Variants in GHRL observed in about 807,000 individuals in gnomAD.
The protein encoded by GHRL is ghrelin and obestatin prepropeptide.
In GHRL, 24 loss-of-function variants were observed where a neutral mutation model predicts 16.9. That is an observed-to-expected ratio of 1.42 (90% CI 1.03 to 2.00). The LOEUF (loss-of-function observed/expected upper bound fraction) is 2.00. Among genes scored for constraint, GHRL ranks in the 30% most tolerant of loss-of-function variants. The probability of loss-of-function intolerance (pLI) is 0.00; values close to 1 mark genes in which losing one functional copy is unlikely to be tolerated. For synonymous variants in GHRL, 63 were observed against 58.2 expected (o/e 1.08, Z -0.37); for missense variants, 193 against 142.1 (o/e 1.36, Z -1.82).
intron 4 of GHRL, among the ~76,000 whole-genome samples, chr3:10,288,771 TGGAA>T (rs1699476550): frequency 6.6e-6 from 1 of 152,188 alleles, no homozygotes; most frequent in Non-Finnish European, 1.5e-5. Context: ...TTCACTCCTC[TGGAA>T]GGAAGAGGCC....
intron 4 of GHRL, 87 bp downstream of exon 4, chr3:10,289,675 G>A: frequency 1.2e-6 from 1 of 852,812 alleles, no homozygotes; most frequent in Non-Finnish European, 2.0e-6. Context: ...TTGGGACCCT[G>A]TTCACTGCCA....
intron 4 of GHRL, among the ~76,000 whole-genome samples, chr3:10,288,862 C>T (rs1467468542): frequency 6.6e-6 from 1 of 152,216 alleles, no homozygotes; most frequent in Non-Finnish European, 1.5e-5. Flanking sequence ...GGAGTCAGCC[C>T]TGACCTTGTG....
chr3:10,290,042 C>T (rs1481116793), intron 3 of GHRL, 31 bp downstream of exon 3: 1 of 1,608,680 alleles, frequency 6.2e-7, no homozygotes, highest in Non-Finnish European at 8.5e-7. Flanking sequence ...AGGGCTGGAA[C>T]AACATGTGGG....
chr3:10,287,873 TCCA>T (rs1699310154), intron 4 of GHRL: 1 of 145,074 alleles, frequency 6.9e-6, no homozygotes. Flanking sequence ...TCCCCTTAAC[TCCA>T]CCATGAAGGT....
rs979321712 is a variant in GHRL, at chr3:10,291,471, G to C, written c.-765-20C>G. ...TTGGACCTGGAGGTGGAAGATCTACGCTTAGCACGGGCCTGGCTCCTCTCT... is the reference window on the plus strand; with the variant it reads ...TTGGACCTGGAGGTGGAAGATCTACCCTTAGCACGGGCCTGGCTCCTCTCT... On this transcript the variant is annotated intron_variant, in intron 1 of 5. Coordinates refer to ENST00000335542, the MANE Select transcript of GHRL (RefSeq NM_016362.5). 2.0e-6 allele frequency: 2 copies of C among 985,220 alleles called. No homozygotes were observed. The highest frequency in any genetic ancestry group is 2.4e-6 in the Non-Finnish European group (2 of 829,728). 61.0% of individuals were successfully genotyped at this position (985,220 alleles called of 1,614,324 possible).
At chr3:10,288,316 T>A (rs1291222068) in intron 4 of GHRL, 1 of 152,420 alleles carries the variant, frequency 6.6e-6, no homozygotes, top group Non-Finnish European at 1.5e-5. Context: ...AGTGGGGCGC[T>A]CCAGGTCTCT....
At position 10,286,774 on chromosome 3, in the gene GHRL, C is replaced by G. The variant is rs765646482; in HGVS notation, c.264G>C (p.Gly88=). The change falls in exon 5 of 6, where the codon GGG becomes GGC. Residue 88 remains glycine (G), a synonymous_variant. Transcript: ENST00000335542. Reference sequence around the variant, plus strand: ...CCTGGCTGTGCTGCTGGTACTGAACCCCTGACAGCTTGATTCCAACATCAA... The same window carrying G: ...CCTGGCTGTGCTGCTGGTACTGAACGCCTGACAGCTTGATTCCAACATCAA... The part of the protein sequence containing the change: ...APFDVGIKLS[G]VQYQQHSQAL... The G allele has an allele frequency of 6.2e-7, 1 of 1,613,366 alleles. No individual in the cohort carries two copies. The highest frequency in any genetic ancestry group is 1.7e-5 in the Admixed American group (1 of 60,014).
chr3:10,290,629 T>C, intron 2 of GHRL, 87 bp downstream of exon 2: 1 of 593,264 alleles, frequency 1.7e-6, no homozygotes, highest in Non-Finnish European at 2.2e-6. Flanking sequence ...AGGGGACTCC[T>C]GAGGCCCAGA....
intron 1 of GHRL, chr3:10,292,512 T>TC (rs1198387799): frequency 3.3e-6 from 1 of 305,668 alleles, no homozygotes; most frequent in Non-Finnish European, 6.0e-6. Context: ...ACTGAATCTT[T>TC]AAGTGGACAT....
intron 5 of GHRL, 48 bp downstream of exon 5, chr3:10,286,656 T>A (rs1320275912): frequency 1.0e-6 from 1 of 977,166 alleles, no homozygotes; most frequent in Admixed American, 1.7e-5. Context: ...TGAACTCCCA[T>A]GTGGGGCTGC....
chr3:10,287,827 A>T (rs756401351), intron 4 of GHRL: 2 of 153,094 alleles, frequency 1.3e-5, no homozygotes, highest in African/African-American at 2.4e-5. Context: ...AGAAGCTATT[A>T]ACCAATAGCT....
intron 5 of GHRL, among the ~76,000 whole-genome samples, chr3:10,286,342 A>G (rs551148270): frequency 6.6e-5 from 10 of 152,318 alleles, no homozygotes; most frequent in Admixed American, 3.9e-4. Flanking sequence ...TTTGGCACCA[A>G]TTCCTTTTTG....
chr3:10,291,350 C>A lies in GHRL; in HGVS notation c.-664G>T. The A allele has an allele frequency of 1.0e-6, 1 of 985,522 alleles. No homozygotes were observed. The highest frequency in any genetic ancestry group is 1.2e-6 in the Non-Finnish European group (1 of 829,984). The allele number at this position is 985,522 out of a possible 1,614,324, so 61.0% of individuals were successfully genotyped here. On this transcript the variant is annotated 5_prime_UTR_variant, in exon 2 of 6. In the 5' UTR this introduces an upstream ATG that the reference lacks. Coordinates refer to ENST00000335542, the MANE Select transcript of GHRL (RefSeq NM_016362.5). ...TTTCTGCCAGGTGTGACATGACTGC[C>A]TGGCCTGGCGTTTTTTCACATAGCA...
At position 10,291,314 on chromosome 3, in the gene GHRL, T is replaced by C; in HGVS notation, c.-628A>G. 2.0e-6 allele frequency: 2 copies of C among 985,530 alleles called. No individual in the cohort carries two copies. The highest frequency in any genetic ancestry group is 2.4e-6 in the Non-Finnish European group (2 of 829,980). 61.0% of individuals were successfully genotyped at this position (985,530 alleles called of 1,614,324 possible). ...TGGGGATAACTTCAGCCAGTGGCTA[T>C]GCTTCAGTCATTTCTGCCAGGTGTG... On this transcript the variant is annotated 5_prime_UTR_variant, in exon 2 of 6. Coordinates refer to ENST00000335542, the MANE Select transcript of GHRL (RefSeq NM_016362.5).
At chr3:10,290,250 C>T (rs1245786369) in intron 2 of GHRL, 41 bp from the exon 3 acceptor site, 4 of 1,556,536 alleles carry the variant, frequency 2.6e-6, no homozygotes, top group Non-Finnish European at 2.6e-6. Context: ...CTCCCCTTCT[C>T]ATGTGCCTCT....
rs756969269 is a variant in GHRL at position 10,289,809 on chromosome 3, C to A, written c.178G>T (p.Glu60Ter). Residue 60 changes from glutamate to a stop codon, truncating the protein, a stop_gained, in exon 4 of 6, where the codon GAA (glutamate) becomes TAA (stop). Coordinates refer to ENST00000335542, the MANE Select transcript of GHRL (RefSeq NM_016362.5). LOFTEE classifies it high-confidence loss of function. ...PRALAGWLRPEDGGQAEGAED... is the reference protein window; with the variant it reads ...PRALAGWLRP ...GCCCCTTCTGCTTGACCTCCATCTT[C>A]CGGGCGGAGCCAGCCTGCTAGAGCT... 13 of 1,613,684 alleles carry A rather than the reference C, an allele frequency of 8.1e-6. No homozygotes were observed. The highest frequency in any genetic ancestry group is 1.1e-5 in the Non-Finnish European group (13 of 1,179,874).
intron 4 of GHRL, among the ~76,000 whole-genome samples, chr3:10,287,758 C>T (rs1699288755): frequency 6.6e-6 from 1 of 152,154 alleles, no homozygotes; most frequent in Non-Finnish European, 1.5e-5. Context: ...TCCTCAGTGC[C>T]TCCCTGTGGG....
At chr3:10,292,798 C>T in intron 1 of GHRL, 44 bp downstream of exon 1, 1 of 1,167,210 alleles carries the variant, frequency 8.6e-7, no homozygotes, top group Non-Finnish European at 1.2e-6. Flanking sequence ...AAAATCCTAA[C>T]TGTGGTGACC....
In GHRL at chr3:10,286,807, G is replaced by T; in HGVS notation, c.231C>A (p.Asn77Lys). 6.3e-7 allele frequency: 1 copy of T among 1,599,322 alleles called. No individual in the cohort carries two copies. The highest frequency in any genetic ancestry group is 8.6e-7 in the Non-Finnish European group (1 of 1,166,572). Residue 77 changes from asparagine (N) to lysine (K), a missense_variant, in exon 5 of 6, where the codon AAC (asparagine) becomes AAA (lysine). Asn to Lys is a moderately conservative substitution (Grantham distance 94). Coordinates refer to ENST00000335542, the MANE Select transcript of GHRL (RefSeq NM_016362.5). ...GCTTGATTCCAACATCAAAGGGGGC[G>T]TTGAACTAGGAGGCAGGGCAGGGAG... ...GAEDELEVRF[N>K]APFDVGIKLS... is the part of the protein sequence containing the mutation.
Sources: gnomAD v4.1 joint callset for allele counts (sites outside exome capture counted in the v4.1 genomes callset) on GRCh38, gnomAD v4.1.1 for gene constraint, MANE v1.5 for transcripts, NCBI Gene and HGNC (gene_info 2026-07-23, HGNC 2026-07-21) for gene names.